PCDHGB2: variants seen among roughly 807,000 people sequenced by gnomAD.
PCDHGB2 encodes the protein protocadherin gamma-B2.
In PCDHGB2, 55 loss-of-function variants were observed where a neutral mutation model predicts 59.3. The ratio of observed to expected loss-of-function variants is 0.93; its 90% confidence interval spans 0.75 to 1.16. The LOEUF is 1.16. Ranked by LOEUF, PCDHGB2 falls within the 50% of genes most tolerant of loss-of-function variation. PCDHGB2 has a pLI of 0.00. For synonymous variants in PCDHGB2, 516 were observed against 512.0 expected (o/e 1.01, Z -0.11); for missense variants, 1,228 against 1,198.5 (o/e 1.02, Z -0.36).
At chr5:141,441,793 C>T (rs961624726) in intron 1 of PCDHGB2, 7 of 391,390 alleles carry the variant, frequency 1.8e-5, no homozygotes, top group Non-Finnish European at 3.6e-5. Flanking sequence ...AATGACAACG[C>T]ACCGCGGGTG....
At position 141,403,267 on chromosome 5, in the gene PCDHGB2, C is replaced by T. The variant is rs767670942; in HGVS notation, c.2421+40711C>T. On this transcript the variant is annotated intron_variant, in intron 1 of 3. Transcript: ENST00000522605. ...CTCAGAGCCCGCGGTGTCTGGTGAA[C>T]TTTAAAGTCCTGGTTGAAGACAGAG... is the stretch of plus-strand genomic sequence containing the variant. 4.4e-5 allele frequency: 71 copies of T among 1,613,770 alleles called. No homozygotes were observed. Among genetic ancestry groups the T allele is most frequent in the Non-Finnish European group, 5.8e-5 (69 of 1,179,916 alleles).
Position 141,489,941 on chromosome 5 carries a change from A to G in PCDHGB2, c.2422-4866A>G. Reference sequence around the variant, plus strand: ...ACCCTTATCTCTGTCATCGTGCTGGACATCAATGATAATGCTCCAACCTTC... The same window carrying G: ...ACCCTTATCTCTGTCATCGTGCTGGGCATCAATGATAATGCTCCAACCTTC... On this transcript the variant is annotated intron_variant, in intron 1 of 3. Transcript: ENST00000522605. The surrounding 1 kb of genome is among the most constrained non-coding windows in gnomAD (Gnocchi z 4.5). 1.2e-6 allele frequency: 2 copies of G among 1,614,228 alleles called. No homozygotes were observed. The highest frequency in any genetic ancestry group is 1.7e-6 in the Non-Finnish European group (2 of 1,180,034).
chr5:141,433,365 A>ATCTG, intron 1 of PCDHGB2: 1 of 523,830 alleles, frequency 1.9e-6, no homozygotes, highest in East Asian at 3.1e-5. Context: ...CTGCCTATCT[A>ATCTG]TCTATCTATC....
intron 1 of PCDHGB2, chr5:141,403,303 C>A: frequency 6.2e-7 from 1 of 1,613,820 alleles, no homozygotes; most frequent in African/African-American, 1.3e-5. Context: ...TGAAACTGTA[C>A]GGAATAGAAA....
At chr5:141,419,023 A>T (rs768427376) in intron 1 of PCDHGB2, 2 of 1,613,958 alleles carry the variant, frequency 1.2e-6, no homozygotes, top group Non-Finnish European at 1.7e-6. Flanking sequence ...GCTTAAGTAG[A>T]GGTGTTCCAT....
chr5:141,468,464 TC>T (rs2099167734), intron 1 of PCDHGB2: 2 of 152,174 alleles, frequency 1.3e-5, no homozygotes, highest in Admixed American at 1.3e-4. Flanking sequence ...GCAAGTTATT[TC>T]TGAGGAGAAT....
intron 1 of PCDHGB2, chr5:141,389,555 G>A (rs755878042): frequency 1.2e-5 from 20 of 1,613,076 alleles, no homozygotes; most frequent in East Asian, 6.7e-5. Flanking sequence ...ACGACAATGC[G>A]CCACGGGTGC....
intron 2 of PCDHGB2, among the ~76,000 whole-genome samples, chr5:141,495,233 A>G (rs1226612093): frequency 1.3e-5 from 2 of 152,196 alleles, no homozygotes; most frequent in African/African-American, 4.8e-5. Flanking sequence ...GCTGGGCTCC[A>G]TTATGACCTG....
intron 1 of PCDHGB2, among the ~76,000 whole-genome samples, chr5:141,401,895 TC>T (rs2094205697): frequency 6.6e-6 from 1 of 152,224 alleles, no homozygotes; most frequent in Non-Finnish European, 1.5e-5. Context: ...GTGTTCTTTT[TC>T]CCAAATTATT....
chr5:141,394,406 G>A (rs1359061127), intron 1 of PCDHGB2: 1 of 1,614,180 alleles, frequency 6.2e-7, no homozygotes, highest in South Asian at 1.1e-5. Flanking sequence ...TGCAGCTACT[G>A]GTAACAGCCA....
At chr5:141,383,417 G>A in intron 1 of PCDHGB2, 1 of 1,614,014 alleles carries the variant, frequency 6.2e-7, no homozygotes, top group African/African-American at 1.3e-5. Flanking sequence ...TACCAGCTCA[G>A]CCCCAATCGC....
At chr5:141,365,297 G>A (rs538677777) in intron 1 of PCDHGB2, 3 of 1,614,014 alleles carry the variant, frequency 1.9e-6, no homozygotes, top group East Asian at 4.5e-5. Context: ...GGTAGCTCAG[G>A]ATGGAGGCGC....
At chr5:141,392,956 T>A (rs769377200) in intron 1 of PCDHGB2, 3 of 1,613,820 alleles carry the variant, frequency 1.9e-6, no homozygotes, top group South Asian at 1.1e-5. Context: ...GTGGGTAATA[T>A]CTCCAAGGAC....
At chr5:141,442,029 A>C in intron 1 of PCDHGB2, 1 of 210,292 alleles carries the variant, frequency 4.8e-6, no homozygotes, top group Non-Finnish European at 9.8e-6. Context: ...CAGGAAAGCG[A>C]CTCGCCAGCG....
At position 141,470,736 on chromosome 5, in the gene PCDHGB2, C is replaced by T. The variant is rs541510544; in HGVS notation, c.2422-24071C>T. ...TTTTTGAGTCAGGGTCTTGCTCTGT[C>T]GCCCTGGCTGGAGTGCAGTGGACTC... On this transcript the variant is annotated intron_variant, in intron 1 of 3. Coordinates refer to ENST00000522605, the MANE Select transcript of PCDHGB2 (RefSeq NM_018923.3). Among the ~76,000 whole-genome samples, 104 of 152,208 alleles carry T rather than the reference C, an allele frequency of 6.8e-4. 2 individuals carry two copies. Among genetic ancestry groups the T allele is most frequent in the African/African-American group, 2.4e-3 (98 of 41,522 alleles).
Position 141,484,647 on chromosome 5 carries a change from G to A in PCDHGB2, c.2422-10160G>A, listed in dbSNP as rs556711906. Among the ~76,000 whole-genome samples, 104 of 152,066 alleles carry A rather than the reference G, an allele frequency of 6.8e-4. 3 individuals carry two copies. Among genetic ancestry groups the A allele is most frequent in the East Asian group, 1.2e-3 (6 of 5,166 alleles). ...TGAACAAAGTGACCACTCTCCAATG[G>A]CTACTCTCCCTCTCAGTGGGCCGCA... On this transcript the variant is annotated intron_variant, in intron 1 of 3. Transcript: ENST00000522605.
chr5:141,438,308 C>G (rs2097949954), intron 1 of PCDHGB2, among the ~76,000 whole-genome samples: 1 of 151,766 alleles, frequency 6.6e-6, no homozygotes, highest in Non-Finnish European at 1.5e-5. Context: ...GAAGTTGGTA[C>G]CACCATAATT....
Position 141,456,898 on chromosome 5 carries a change from G to A in PCDHGB2, c.2422-37909G>A, listed in dbSNP as rs1046778634. 3.9e-5 allele frequency among the ~76,000 whole-genome samples: 6 copies of A among 152,284 alleles called. No individual in the cohort carries two copies. The South Asian group carries it at 6.2e-4, about 16-fold the overall frequency. On this transcript the variant is annotated intron_variant, in intron 1 of 3. Transcript: ENST00000522605. ...GAATCGCTTGAACCCGGGAGGCAGA[G>A]GTTGCAGTGAGCCGAGATCGCACCA...
chr5:141,442,227 T>G (rs953690152), intron 1 of PCDHGB2: 16 of 153,240 alleles, frequency 1.0e-4, no homozygotes, highest in African/African-American at 3.6e-4. Context: ...TTAATTTCCT[T>G]TTTATTCTTC....
Sources: gnomAD v4.1 joint callset for allele counts (sites outside exome capture counted in the v4.1 genomes callset) on GRCh38, gnomAD v4.1.1 for gene constraint, Gnocchi (gnomAD v3.1) non-coding constraint, MANE v1.5 for transcripts, NCBI Gene and HGNC (gene_info 2026-07-23, HGNC 2026-07-21) for gene names.